Variants in MYO1B observed in about 807,000 individuals in gnomAD.
MYO1B encodes the protein myosin IB, also known as unconventional myosin-Ib.
A neutral mutation model predicts 159.7 loss-of-function variants in MYO1B; 72 were observed. The observed-to-expected ratio is 0.45, with a 90% confidence interval of 0.37 to 0.55. MYO1B has a LOEUF of 0.55. MYO1B is among the 20% of genes least tolerant of loss of function. MYO1B has a pLI of 0.00. For synonymous variants in MYO1B, 468 were observed against 473.8 expected (o/e 0.99, Z 0.16); for missense variants, 1,062 against 1,364.8 (o/e 0.78, Z 3.50).
intron 3 of MYO1B, among the ~76,000 whole-genome samples, chr2:191,313,122 T>G (rs1040104267): frequency 1.3e-5 from 2 of 148,636 alleles, no homozygotes; most frequent in Admixed American, 1.3e-4. Context: ...TCTCAGAGGC[T>G]CTCCTAAAAA....
chr2:191,317,639 C>T (rs979002697), intron 3 of MYO1B, among the ~76,000 whole-genome samples: 6 of 152,300 alleles, frequency 3.9e-5, no homozygotes, highest in African/African-American at 1.4e-4. Context: ...TCCCTCCACC[C>T]CACATTTTGA....
At chr2:191,363,984 C>G (rs1693840099) in intron 10 of MYO1B, 109 bp downstream of exon 10, 1 of 1,405,896 alleles carries the variant, frequency 7.1e-7, no homozygotes, top group Non-Finnish European at 1.0e-6. Flanking sequence ...TTTGAGAAAG[C>G]TTTCTAATGA....
intron 1 of MYO1B, 95 bp downstream of exon 1, chr2:191,245,721 T>TCCCTGGCCCCGTCGCA (rs1284618735): frequency 9.8e-5 from 15 of 152,292 alleles, no homozygotes; most frequent in Admixed American, 6.5e-4. Flanking sequence ...GTGCCCGCGG[T>TCCCTGGCCCCGTCGCA]CCCTGGCCCC....
intron 3 of MYO1B, among the ~76,000 whole-genome samples, chr2:191,318,091 CTG>C (rs911456469): frequency 6.6e-5 from 10 of 152,128 alleles, no homozygotes; most frequent in African/African-American, 2.4e-4. Context: ...TCAAAAGAAA[CTG>C]TAAACAAAAA....
At chr2:191,315,306 T>C (rs1690280808) in intron 3 of MYO1B, among the ~76,000 whole-genome samples, 1 of 152,198 alleles carries the variant, frequency 6.6e-6, no homozygotes, top group Non-Finnish European at 1.5e-5. Flanking sequence ...TTCAGATACA[T>C]GTGAAGATCA....
chr2:191,308,433 T>G (rs577709607), intron 3 of MYO1B, among the ~76,000 whole-genome samples: 1 of 152,190 alleles, frequency 6.6e-6, no homozygotes, highest in Non-Finnish European at 1.5e-5. Flanking sequence ...GTAGGCCACC[T>G]TTTTCCAAGA....
intron 11 of MYO1B, among the ~76,000 whole-genome samples, chr2:191,364,827 A>G (rs1304343095): frequency 6.6e-6 from 1 of 152,250 alleles, no homozygotes; most frequent in East Asian, 1.9e-4. Context: ...ATTAGAGGGT[A>G]GAGGCTACAG....
chr2:191,261,832 T>C (rs1027011799), intron 1 of MYO1B, among the ~76,000 whole-genome samples: 1 of 152,178 alleles, frequency 6.6e-6, no homozygotes, highest in Non-Finnish European at 1.5e-5. Context: ...AGTGGACATA[T>C]ACTCAAAGAA....
chr2:191,413,573 T>G lies in MYO1B; in HGVS notation c.2874-475T>G, dbSNP rs560092592. ...TCTTTCCCAGAAGGCCTATTGATTT[T>G]CTTATTCTCTGCAAGAAATGAAATT... On this transcript the variant is annotated intron_variant, in intron 27 of 30. Transcript: ENST00000392318. Among the ~76,000 whole-genome samples, 4 of 152,340 alleles carry G rather than the reference T, an allele frequency of 2.6e-5. No individual in the cohort carries two copies. In the South Asian group the frequency reaches 8.3e-4, roughly 32 times the overall value.
chr2:191,383,745 T>G (rs1297792554), intron 15 of MYO1B, among the ~76,000 whole-genome samples: 1 of 151,858 alleles, frequency 6.6e-6, no homozygotes, highest in African/African-American at 2.4e-5. Flanking sequence ...CTTGTATGGT[T>G]GGAGCCCAGG....
intron 1 of MYO1B, among the ~76,000 whole-genome samples, chr2:191,258,572 C>T (rs1413679205): frequency 6.6e-6 from 1 of 152,204 alleles, no homozygotes; most frequent in Non-Finnish European, 1.5e-5. Context: ...ATGGGACCTC[C>T]ATTATATGTG....
chr2:191,322,953 C>T (rs182339067), intron 3 of MYO1B, among the ~76,000 whole-genome samples: 46 of 152,152 alleles, frequency 3.0e-4, no homozygotes, highest in Non-Finnish European at 5.0e-4. Flanking sequence ...TAGCTTTTTT[C>T]GTGGTTATTT....
Position 191,348,113 on chromosome 2 carries a change from C to T in MYO1B, c.498+1831C>T, listed in dbSNP as rs188074603. Among the ~76,000 whole-genome samples the T allele has an allele frequency of 6.6e-5, 10 of 152,264 alleles. No homozygotes were observed. In the East Asian group the frequency reaches 1.3e-3, roughly 21 times the overall value. ...GACATGATCAGAACCCAGCTTTTGG[C>T]GAGTAATCAGGAAGTGGCTTAGTGG... On this transcript the variant is annotated intron_variant, in intron 6 of 30. Transcript: ENST00000392318.
chr2:191,260,410 T>A (rs926136059), intron 1 of MYO1B, among the ~76,000 whole-genome samples: 1 of 152,042 alleles, frequency 6.6e-6, no homozygotes, highest in Non-Finnish European at 1.5e-5. Context: ...GGTGTGTATA[T>A]GTTTACATAA....
At chr2:191,364,041 T>C in intron 10 of MYO1B, 117 bp from the exon 11 acceptor site, 1 of 1,188,336 alleles carries the variant, frequency 8.4e-7, no homozygotes, top group Non-Finnish European at 1.3e-6. Flanking sequence ...TTTTGATGTA[T>C]ACATTTTATA....
chr2:191,299,009 G>C (rs1321749991), intron 3 of MYO1B, among the ~76,000 whole-genome samples: 1 of 152,110 alleles, frequency 6.6e-6, no homozygotes, highest in Admixed American at 6.5e-5. Flanking sequence ...CTGTGCCTCA[G>C]TTTACCCCCA....
chr2:191,421,663 A>T (rs1490546547), intron 30 of MYO1B, among the ~76,000 whole-genome samples: 3 of 152,000 alleles, frequency 2.0e-5, no homozygotes, highest in African/African-American at 7.3e-5. Flanking sequence ...TTTAGTAGAG[A>T]CGTGGGTTTG....
chr2:191,281,814 T>A (rs1037691295), intron 2 of MYO1B, among the ~76,000 whole-genome samples: 1 of 152,208 alleles, frequency 6.6e-6, no homozygotes, highest in Non-Finnish European at 1.5e-5. Flanking sequence ...AAATTTAGTT[T>A]GTTTTCTATC....
chr2:191,272,989 C>A (rs1344042169), intron 1 of MYO1B, among the ~76,000 whole-genome samples: 1 of 152,140 alleles, frequency 6.6e-6, no homozygotes, highest in Non-Finnish European at 1.5e-5. Flanking sequence ...ACAGCTTAGA[C>A]AATAAAGAGA....
Sources: gnomAD v4.1 joint callset for allele counts (sites outside exome capture counted in the v4.1 genomes callset) on GRCh38, gnomAD v4.1.1 for gene constraint, MANE v1.5 for transcripts, NCBI Gene and HGNC (gene_info 2026-07-23, HGNC 2026-07-21) for gene names.